Variants in NBAS observed in about 807,000 individuals in gnomAD.
NBAS encodes NAG/BC035112 fusion.
A neutral mutation model predicts 302.5 loss-of-function variants in NBAS; 219 were observed. The ratio of observed to expected loss-of-function variants is 0.72; its 90% CI spans 0.65 to 0.81. The LOEUF (loss-of-function observed/expected upper bound fraction) is 0.81. Among genes scored for constraint, NBAS ranks in the 30% least tolerant of loss-of-function variants. The pLI, the probability that NBAS is intolerant of heterozygous loss-of-function variation, is 0.00. For synonymous variants in NBAS, 1,118 were observed against 1,021.6 expected (o/e 1.09, Z -1.80); for missense variants, 2,932 against 2,841.6 (o/e 1.03, Z -0.72).
chr2:15,554,985 T>A (rs148377668), intron 3 of NBAS, among the ~76,000 whole-genome samples: 1 of 151,830 alleles, frequency 6.6e-6, no homozygotes, highest in African/African-American at 2.4e-5. Context: ...AGAGGATTAA[T>A]ACCCGAAGAA....
At chr2:15,077,090 G>T in the NBAS span, among the ~76,000 whole-genome samples, 1 of 152,204 alleles carries the variant, frequency 6.6e-6, no homozygotes, top group Non-Finnish European at 1.5e-5. Context: ...CATTTTTAAA[G>T]AAAAGAGGTT....
chr2:15,295,701 G>A (rs1026188497), intron 40 of NBAS, among the ~76,000 whole-genome samples: 1 of 152,154 alleles, frequency 6.6e-6, no homozygotes, highest in African/African-American at 2.4e-5. Context: ...GGAGGGCAGA[G>A]ATCATGTGTA....
At chr2:14,916,077 C>T in the NBAS span, among the ~76,000 whole-genome samples, 7 of 152,264 alleles carry the variant, frequency 4.6e-5, no homozygotes, top group Admixed American at 2.0e-4. Flanking sequence ...AATACATTAA[C>T]CTCCCTGAGA....
chr2:15,462,357 TAGTTCTGGGAGGACAG>T (rs1207159474), intron 19 of NBAS, among the ~76,000 whole-genome samples: 3 of 152,078 alleles, frequency 2.0e-5, no homozygotes, highest in Non-Finnish European at 4.4e-5. Flanking sequence ...GTGCCACAAC[TAGTTCTGGGAGGACAG>T]AGAAGTGGCC....
chr2:14,817,756 A>G, the NBAS span, among the ~76,000 whole-genome samples: 16 of 152,190 alleles, frequency 1.1e-4, no homozygotes, highest in Non-Finnish European at 1.9e-4. Flanking sequence ...TATTATGATT[A>G]GGATTAAATC....
At chr2:15,072,615 T>C in the NBAS span, among the ~76,000 whole-genome samples, 2 of 152,206 alleles carry the variant, frequency 1.3e-5, no homozygotes, top group Admixed American at 6.5e-5. Flanking sequence ...TTTATAGTTT[T>C]ATAAAAATAT....
intron 9 of NBAS, among the ~76,000 whole-genome samples, chr2:15,515,695 C>G (rs1224903370): frequency 6.6e-6 from 1 of 152,152 alleles, no homozygotes; most frequent in Admixed American, 6.5e-5. Flanking sequence ...GCTCCATCAT[C>G]ATCACAGTGT....
At chr2:14,982,189 G>A in the NBAS span, among the ~76,000 whole-genome samples, 1 of 152,126 alleles carries the variant, frequency 6.6e-6, no homozygotes, top group African/African-American at 2.4e-5. Flanking sequence ...TGATCAAGCT[G>A]AGCTCCCAGC....
At chr2:14,792,796 A>T in the NBAS span, among the ~76,000 whole-genome samples, 2 of 152,160 alleles carry the variant, frequency 1.3e-5, no homozygotes, top group Non-Finnish European at 2.9e-5. Context: ...TGAATGAGAA[A>T]AGGTAATCAA....
the NBAS span, among the ~76,000 whole-genome samples, chr2:15,131,228 C>A: frequency 5.0e-3 from 756 of 152,254 alleles, 9 homozygotes; most frequent in African/African-American, 0.016. Flanking sequence ...CTTTCAAAGA[C>A]CTTTCCAGCC....
chr2:15,125,372 G>A, the NBAS span, among the ~76,000 whole-genome samples: 6 of 152,144 alleles, frequency 3.9e-5, no homozygotes, highest in Non-Finnish European at 8.8e-5. Flanking sequence ...CAAGGGCAAG[G>A]AAGAGAGGGG....
intron 44 of NBAS, among the ~76,000 whole-genome samples, chr2:15,255,927 G>C (rs1463511907): frequency 6.6e-6 from 1 of 152,136 alleles, no homozygotes; most frequent in Non-Finnish European, 1.5e-5. Context: ...TTTCATACGA[G>C]TACAGTGCTG....
At chr2:15,033,361 C>G in the NBAS span, among the ~76,000 whole-genome samples, 2 of 152,164 alleles carry the variant, frequency 1.3e-5, no homozygotes, top group Admixed American at 6.5e-5. Context: ...AGATTAATCA[C>G]GCCTTGAGTT....
At chr2:15,551,354 A>AT in intron 6 of NBAS, 139 bp downstream of exon 6, 1 of 552,274 alleles carries the variant, frequency 1.8e-6, no homozygotes, top group Non-Finnish European at 3.1e-6. Context: ...AAAAAAAAAA[A>AT]GCAGTTTTTA....
chr2:15,054,153 C>G, the NBAS span, among the ~76,000 whole-genome samples: 6 of 152,146 alleles, frequency 3.9e-5, no homozygotes, highest in African/African-American at 1.4e-4. Context: ...GACAGCCACT[C>G]TGTGCTAAGC....
At chr2:15,288,738 A>G (rs2148098486) in intron 41 of NBAS, among the ~76,000 whole-genome samples, 1 of 152,348 alleles carries the variant, frequency 6.6e-6, no homozygotes, top group Admixed American at 6.5e-5. Context: ...GTGTGGGTGA[A>G]AGCACAGAGA....
At chr2:14,812,237 T>C in the NBAS span, among the ~76,000 whole-genome samples, 15 of 152,168 alleles carry the variant, frequency 9.9e-5, no homozygotes, top group Admixed American at 2.0e-4. Flanking sequence ...AGAAGGGGCA[T>C]CACAGGGAGA....
At chr2:15,036,099 T>C in the NBAS span, among the ~76,000 whole-genome samples, 1 of 152,202 alleles carries the variant, frequency 6.6e-6, no homozygotes, top group African/African-American at 2.4e-5. Flanking sequence ...GAAAGAAGAA[T>C]TGCCCTTTTT....
intron 21 of NBAS, among the ~76,000 whole-genome samples, chr2:15,454,716 G>A (rs1679170576): frequency 6.6e-6 from 1 of 152,082 alleles, no homozygotes. Flanking sequence ...CCCATCCACA[G>A]CTGGTGTTAT....
Sources: gnomAD v4.1 joint callset for allele counts (sites outside exome capture counted in the v4.1 genomes callset) on GRCh38, gnomAD v4.1.1 for gene constraint, MANE v1.5 for transcripts, NCBI Gene and HGNC (gene_info 2026-07-23, HGNC 2026-07-21) for gene names.